The following MYO5B variants were observed in gnomAD, a reference collection of about 807,000 sequenced individuals.
The protein encoded by MYO5B is myosin VB, also known as unconventional myosin-Vb.
In MYO5B, 143 loss-of-function variants were observed where a neutral mutation model predicts 229.3. The observed-to-expected ratio is 0.62, with a 90% confidence interval of 0.54 to 0.72. The LOEUF (loss-of-function observed/expected upper bound fraction) is 0.72. Among genes scored for constraint, MYO5B ranks in the 30% least tolerant of loss-of-function variants. The pLI is 0.00. For synonymous variants in MYO5B, 918 were observed against 885.2 expected (o/e 1.04, Z -0.66); for missense variants, 2,321 against 2,331.0 (o/e 1.00, Z 0.09).
intron 30 of MYO5B, among the ~76,000 whole-genome samples, chr18:49,854,849 A>C (rs149041622): frequency 1.3e-5 from 2 of 152,306 alleles, no homozygotes; most frequent in Non-Finnish European, 2.9e-5. Flanking sequence ...GGGAAAGTCT[A>C]CACTGTTGAT....
At chr18:49,902,565 C>T in intron 21 of MYO5B, 29 bp downstream of exon 21, 1 of 1,607,404 alleles carries the variant, frequency 6.2e-7, no homozygotes, top group Non-Finnish European at 8.5e-7. Context: ...AAGCCCCCGA[C>T]ACCCAGGTAG....
intron 4 of MYO5B, among the ~76,000 whole-genome samples, chr18:50,013,391 T>A (rs2026182904): frequency 6.6e-6 from 1 of 152,156 alleles, no homozygotes; most frequent in African/African-American, 2.4e-5. Context: ...CCCTCCCAAC[T>A]GCACCTACAC....
chr18:50,108,622 A>C (rs1371937143), intron 1 of MYO5B, among the ~76,000 whole-genome samples: 1 of 152,174 alleles, frequency 6.6e-6, no homozygotes, highest in Non-Finnish European at 1.5e-5. Context: ...AAGAACAGGA[A>C]ACTATGCAGA....
intron 17 of MYO5B, among the ~76,000 whole-genome samples, chr18:49,926,471 C>G (rs1439846509): frequency 6.6e-6 from 1 of 152,200 alleles, no homozygotes; most frequent in African/African-American, 2.4e-5. Context: ...ACAGAGGGTC[C>G]CAGTGGGACA....
At chr18:49,831,931 A>G (rs1400454348) in intron 39 of MYO5B, among the ~76,000 whole-genome samples, 1 of 152,214 alleles carries the variant, frequency 6.6e-6, no homozygotes, top group Non-Finnish European at 1.5e-5. Flanking sequence ...GTTTTTATGC[A>G]TGCTACAACA....
rs1425741761 is a variant in MYO5B at position 49,894,926 on chromosome 18, C to T, written c.3045+15G>A. ...ACTCTGCTTGCCAGCGCCTGCCCCTCTGGCCTGAGCATACCTTCCTCAGCT... is the reference window on the plus strand; with the variant it reads ...ACTCTGCTTGCCAGCGCCTGCCCCTTTGGCCTGAGCATACCTTCCTCAGCT... On this transcript the variant is annotated intron_variant, in intron 22 of 39. Coordinates refer to ENST00000285039, the MANE Select transcript of MYO5B (RefSeq NM_001080467.3). 1 of 1,610,580 alleles carries T rather than the reference C, an allele frequency of 6.2e-7. No individual in the cohort carries two copies. Among genetic ancestry groups the T allele is most frequent in the African/African-American group, 1.3e-5 (1 of 75,060 alleles).
At chr18:49,980,391 A>T in intron 9 of MYO5B, 53 bp downstream of exon 9, 4 of 1,281,008 alleles carry the variant, frequency 3.1e-6, no homozygotes, top group Non-Finnish European at 4.5e-6. Context: ...AGTCATATCA[A>T]AGAACAGGGT....
intron 22 of MYO5B, among the ~76,000 whole-genome samples, chr18:49,891,071 A>G (rs1003331413): frequency 1.3e-5 from 2 of 152,110 alleles, no homozygotes; most frequent in Non-Finnish European, 2.9e-5. Context: ...TTGAAGTCAG[A>G]AGATCCTTCC....
chr18:49,879,286 GGAGA>G (rs2024560961), intron 23 of MYO5B, 196 bp from the exon 24 acceptor site: 3 of 646,924 alleles, frequency 4.6e-6, no homozygotes, highest in Non-Finnish European at 2.7e-6. Flanking sequence ...CTTCAGAGAG[GGAGA>G]GAAAGACCCT....
intron 4 of MYO5B, among the ~76,000 whole-genome samples, chr18:50,013,014 C>T (rs2026179303): frequency 6.6e-6 from 1 of 152,222 alleles, no homozygotes; most frequent in Admixed American, 6.5e-5. Context: ...TGAGTGCTGG[C>T]TGTACTTATC....
chr18:49,894,933 G>A lies in MYO5B; in HGVS notation c.3045+8C>T, dbSNP rs760843571. 2.9e-5 allele frequency: 47 copies of A among 1,611,374 alleles called. No individual in the cohort carries two copies. The highest frequency in any genetic ancestry group is 1.6e-4 in the Middle Eastern group (1 of 6,078). ...TTGCCAGCGCCTGCCCCTCTGGCCTGAGCATACCTTCCTCAGCTCATCTTT... is the reference window on the plus strand; with the variant it reads ...TTGCCAGCGCCTGCCCCTCTGGCCTAAGCATACCTTCCTCAGCTCATCTTT... On this transcript the variant is annotated splice_region_variant and intron_variant, in intron 22 of 39. Coordinates refer to ENST00000285039, the MANE Select transcript of MYO5B (RefSeq NM_001080467.3).
chr18:49,954,609 G>A (rs1350009941), intron 12 of MYO5B, among the ~76,000 whole-genome samples, 174 bp from the exon 13 acceptor site: 12 of 152,168 alleles, frequency 7.9e-5, no homozygotes, highest in African/African-American at 1.9e-4. Context: ...TTCAGGATCC[G>A]GCCACGGCGT....
chr18:50,068,900 G>A (rs1185384393), intron 1 of MYO5B, among the ~76,000 whole-genome samples: 1 of 152,084 alleles, frequency 6.6e-6, no homozygotes, highest in African/African-American at 2.4e-5. Context: ...GTTGCCCAGG[G>A]CAACATCTTT....
intron 31 of MYO5B, among the ~76,000 whole-genome samples, chr18:49,852,269 C>A (rs1568610288): frequency 6.6e-6 from 1 of 152,228 alleles, no homozygotes; most frequent in Admixed American, 6.5e-5. Context: ...GTCAATGGCC[C>A]TCCAGGGAAC....
Position 50,028,050 on chromosome 18 carries a change from A to G in MYO5B, c.455+8800T>C, listed in dbSNP as rs147220581. 9.8e-5 allele frequency among the ~76,000 whole-genome samples: 15 copies of G among 152,318 alleles called. No individual in the cohort carries two copies. In the East Asian group the frequency reaches 2.9e-3, roughly 29 times the overall value. On this transcript the variant is annotated intron_variant, in intron 4 of 39. Coordinates refer to ENST00000285039, the MANE Select transcript of MYO5B (RefSeq NM_001080467.3). ...ACTTTGAAAAAAGAAAAAACACAAG[A>G]AAACTTTCAGGATTAAGGAAATGTT...
rs1225917620 is a variant in MYO5B at position 49,902,765 on chromosome 18, G to C, written c.2640C>G (p.Phe880Leu). The C allele has an allele frequency of 6.2e-7, 1 of 1,606,016 alleles. No individual in the cohort carries two copies. Among genetic ancestry groups the C allele is most frequent in the Admixed American group, 1.7e-5 (1 of 60,020 alleles). Reference sequence around the variant, plus strand: ...CAATGGCTGCATCCCGCAGCCGCTGGAAGTGCCTGCGTGCCATCCAGCCCC... The same window carrying C: ...CAATGGCTGCATCCCGCAGCCGCTGCAAGTGCCTGCGTGCCATCCAGCCCC... ...HVRGWMARRH[F>L]QRLRDAAIVI... Residue 880 changes from phenylalanine (F) to leucine (L), a missense_variant, in exon 21 of 40, where the codon TTC (phenylalanine) becomes TTG (leucine). By Grantham distance (22) the Phe-to-Leu change is conservative. Around this residue, in one of 2 missense-constraint regions of MYO5B, gnomAD observed 2,113 missense variants for 2,044.7 expected, o/e 1.03. Transcript: ENST00000285039.
chr18:50,043,617 TATAA>T (rs1480127437), intron 2 of MYO5B, among the ~76,000 whole-genome samples: 1 of 133,550 alleles, frequency 7.5e-6, no homozygotes, highest in African/African-American at 2.8e-5. Context: ...TATAAATATA[TATAA>T]ATATATAAAT....
intron 1 of MYO5B, among the ~76,000 whole-genome samples, chr18:50,124,306 A>C (rs974140866): frequency 6.6e-6 from 1 of 152,214 alleles, no homozygotes; most frequent in African/African-American, 2.4e-5. Context: ...TCCAATACAC[A>C]GTGCAAAACA....
intron 1 of MYO5B, among the ~76,000 whole-genome samples, chr18:50,121,930 T>C (rs935970701): frequency 1.3e-5 from 2 of 152,204 alleles, no homozygotes; most frequent in African/African-American, 2.4e-5. Context: ...ACTAAAATAT[T>C]TGAAGTGGAC....
Sources: allele counts gnomAD v4.1 joint callset (sites outside exome capture counted in the v4.1 genomes callset), GRCh38; gene constraint gnomAD v4.1.1; regional missense constraint gnomAD v4.1.1; transcripts MANE v1.5; gene names NCBI Gene and HGNC (gene_info 2026-07-23, HGNC 2026-07-21).